Variants in TRPA1 observed in about 807,000 individuals in gnomAD.
TRPA1 encodes the protein ankyrin-like with transmembrane domains 1.
TRPA1 carries 129 observed loss-of-function variants against 131.3 expected under a neutral mutation model. The observed-to-expected ratio is 0.98, with a 90% CI of 0.85 to 1.14. The LOEUF is 1.14. Among genes scored for constraint, TRPA1 ranks in the 50% most tolerant of loss-of-function variants. The pLI, the probability that TRPA1 is intolerant of heterozygous loss-of-function variation, is 0.00. For synonymous variants in TRPA1, 441 were observed against 451.7 expected (o/e 0.98, Z 0.30); for missense variants, 1,304 against 1,354.2 (o/e 0.96, Z 0.58).
intron 16 of TRPA1, 148 bp downstream of exon 16, chr8:72,047,000 T>G (rs188338553): frequency 1.6e-6 from 1 of 640,864 alleles, no homozygotes; most frequent in South Asian, 2.1e-5. Flanking sequence ...AGGGAAAAAT[T>G]CTCTCACAAG....
chr8:72,045,377 C>T (rs2120473), intron 17 of TRPA1, among the ~76,000 whole-genome samples: 33,870 of 151,308 alleles, frequency 0.22, 4,094 homozygotes, highest in Middle Eastern at 0.42. Flanking sequence ...AGAGCAGTGT[C>T]GTCTAATAGA....
chr8:72,079,070 C>A (rs572254395), upstream of TRPA1, among the ~76,000 whole-genome samples: 2 of 151,800 alleles, frequency 1.3e-5, no homozygotes, highest in African/African-American at 4.8e-5. Flanking sequence ...TTATTAAATT[C>A]TTTTGCCTCT....
At chr8:72,075,229 C>G (rs981721703) in intron 1 of TRPA1, 70 bp downstream of exon 1, 1 of 1,231,698 alleles carries the variant, frequency 8.1e-7, no homozygotes, top group South Asian at 1.2e-5. Context: ...AGGGCTGCCC[C>G]CAAGGAAACC....
At position 72,052,746 on chromosome 8, in the gene TRPA1, GC is replaced by G; in HGVS notation, c.1663del (p.Ala555LeufsTer14). The G allele has an allele frequency of 6.2e-7, 1 of 1,613,210 alleles. No individual in the cohort carries two copies. The highest frequency in any genetic ancestry group is 1.1e-5 in the South Asian group (1 of 91,058). On this transcript the variant is annotated frameshift_variant, in exon 14 of 27. Transcript: ENST00000262209. LOFTEE classifies it high-confidence loss of function. ...DEDGNTALHFAAREGHAKAVA... is the reference protein window; with the variant it reads ...DEDGNTALHFXAREGHAKAVA... The stretch of plus-strand genomic sequence containing the variant: ...GGCTTTGGCGTGGCCTTCCCTTGCA[GC>G]AAAGTGAAGTGCAGTGTTCTTTTGA...
intron 2 of TRPA1, among the ~76,000 whole-genome samples, chr8:72,070,293 C>T (rs1420387359): frequency 1.3e-5 from 2 of 152,080 alleles, no homozygotes; most frequent in Admixed American, 6.6e-5. Flanking sequence ...CCACTATTTC[C>T]TTTCATTCAT....
intron 17 of TRPA1, 57 bp downstream of exon 17, chr8:72,046,456 T>TAA (rs11349767): frequency 1.0e-3 from 835 of 829,774 alleles, no homozygotes; most frequent in Middle Eastern, 1.2e-3. Flanking sequence ...TAAAGTATAA[T>TAA]AAAAAAAAAA....
chr8:72,029,740 T>C (rs1232148224), intron 24 of TRPA1, 161 bp downstream of exon 24: 5 of 763,230 alleles, frequency 6.6e-6, no homozygotes, highest in South Asian at 1.6e-5. Flanking sequence ...GTCAGCCACA[T>C]GATCAGGAGG....
Position 72,038,067 on chromosome 8 carries a change from T to A in TRPA1, c.2301A>T (p.Ser767=), listed in dbSNP as rs200799664. 2.0e-5 allele frequency: 30 copies of A among 1,500,592 alleles called. No individual in the cohort carries two copies. The highest frequency in any genetic ancestry group is 2.8e-5 in the Non-Finnish European group (30 of 1,081,522). 93.0% of individuals were successfully genotyped at this position (1,500,592 alleles called of 1,614,324 possible). The change falls in exon 20 of 27, where the codon TCA becomes TCT. Residue 767 remains serine, a synonymous_variant. Transcript: ENST00000262209. Reference sequence around the variant, plus strand: ...AAATCATACAAGTTTTTATTAGATATGAATTCTAAAACAAAAAAGGATAAG... The same window carrying A: ...AAATCATACAAGTTTTTATTAGATAAGAATTCTAAAACAAAAAAGGATAAG... ...DHSEILDTTN[S]YLIKTCMILV...
intron 17 of TRPA1, among the ~76,000 whole-genome samples, chr8:72,046,134 A>G (rs1812423140): frequency 6.6e-6 from 1 of 152,062 alleles, no homozygotes; most frequent in Non-Finnish European, 1.5e-5. Context: ...TGTGTTGTCC[A>G]TGGTTTATTT....
chr8:72,059,872 GT>G (rs1805766617), intron 7 of TRPA1, among the ~76,000 whole-genome samples: 1 of 152,232 alleles, frequency 6.6e-6, no homozygotes, highest in Non-Finnish European at 1.5e-5. Context: ...TTTGGCAAAA[GT>G]TAAAAGGCAG....
At chr8:72,086,596 A>G in the TRPA1 span, among the ~76,000 whole-genome samples, 1 of 152,114 alleles carries the variant, frequency 6.6e-6, no homozygotes, top group Non-Finnish European at 1.5e-5. Flanking sequence ...CTTAATATCA[A>G]TTTTGCAGAT....
intron 15 of TRPA1, 151 bp downstream of exon 15, chr8:72,050,627 C>G: frequency 1.6e-6 from 1 of 617,812 alleles, no homozygotes; most frequent in Non-Finnish European, 2.9e-6. Context: ...TCCAAGAAGG[C>G]CTTCCTTAAA....
In TRPA1 at chr8:72,052,996, A is replaced by T. The variant is rs201615273; in HGVS notation, c.1645-231T>A. ...GTGTGTGTGTGTGTGTGTGTGTGTG[A>T]GAGATAGAGAAAGAGAGAGAGAGAG... On this transcript the variant is annotated intron_variant, in intron 13 of 26. Transcript: ENST00000262209. 0.015 allele frequency: 3,554 copies of T among 239,450 alleles called. 66 individuals carry two copies. The highest frequency in any genetic ancestry group is 0.024 in the African/African-American group (555 of 22,874). 14.8% of individuals were successfully genotyped at this position (239,450 alleles called of 1,614,324 possible). A position where few individuals can be genotyped will look rare whatever the true frequency, so the allele number is the denominator to read the frequency against.
At chr8:72,040,570 A>G (rs886670440) in intron 17 of TRPA1, among the ~76,000 whole-genome samples, 1 of 152,108 alleles carries the variant, frequency 6.6e-6, no homozygotes, top group African/African-American at 2.4e-5. Flanking sequence ...GGAAAGAGAA[A>G]GAAAAGAGTG....
At chr8:72,057,160 A>G (rs1805689189) in intron 9 of TRPA1, 143 bp from the exon 10 acceptor site, 1 of 669,690 alleles carries the variant, frequency 1.5e-6, no homozygotes, top group Admixed American at 2.8e-5. Flanking sequence ...AGATGAGAAA[A>G]CTAAACATAT....
chr8:72,036,852 A>G (rs1423649544), intron 20 of TRPA1, among the ~76,000 whole-genome samples: 2 of 152,212 alleles, frequency 1.3e-5, no homozygotes, highest in African/African-American at 2.4e-5. Flanking sequence ...AGTTGTTTCT[A>G]AAAAGGTTTG....
In TRPA1 at chr8:72,059,452, A is replaced by ATTAT. The variant is rs1433451292; in HGVS notation, c.945-18_945-15dup. The ATTAT allele has an allele frequency of 6.7e-7, 1 of 1,482,256 alleles. No individual in the cohort carries two copies. The highest frequency in any genetic ancestry group is 9.3e-7 in the Non-Finnish European group (1 of 1,069,976). 91.8% of individuals were successfully genotyped at this position (1,482,256 alleles called of 1,614,324 possible). ...AACAATGAAGCTCTGAAAAAACAGAATTATAAACATTATAATTAAAGTACT... is the reference window on the plus strand; with the variant it reads ...AACAATGAAGCTCTGAAAAAACAGAATTATTTATAAACATTATAATTAAAGTACT... On this transcript the variant is annotated splice_polypyrimidine_tract_variant and intron_variant, in intron 7 of 26. Transcript: ENST00000262209.
chr8:72,051,696 T>C (rs1213686147), intron 14 of TRPA1, among the ~76,000 whole-genome samples: 1 of 152,192 alleles, frequency 6.6e-6, no homozygotes, highest in African/African-American at 2.4e-5. Flanking sequence ...TAGGTGACAC[T>C]GGGCCCTCGT....
upstream of TRPA1, among the ~76,000 whole-genome samples, chr8:72,077,230 T>C (rs1184923212): frequency 1.1e-4 from 16 of 145,376 alleles, no homozygotes; most frequent in Admixed American, 8.5e-4. Context: ...GCAGTGGGCA[T>C]GTCATGGCAG....
Sources: gnomAD v4.1 joint callset for allele counts (sites outside exome capture counted in the v4.1 genomes callset) on GRCh38, gnomAD v4.1.1 for gene constraint, MANE v1.5 for transcripts, NCBI Gene and HGNC (gene_info 2026-07-23, HGNC 2026-07-21) for gene names.